KLHL32: variants seen among roughly 807,000 people sequenced by gnomAD.
KLHL32 encodes kelch like family member 32, also known as kelch-like protein 32.
KLHL32 carries 35 observed loss-of-function variants against 64.8 expected under a neutral mutation model. That is an observed-to-expected ratio of 0.54 (90% CI 0.41 to 0.72). KLHL32 has a LOEUF of 0.72. Ranked by LOEUF, KLHL32 falls within the 30% of genes least tolerant of loss-of-function variation. The probability of loss-of-function intolerance (pLI) is 0.00; values close to 1 mark genes in which losing one functional copy is unlikely to be tolerated. For missense variants in KLHL32, 589 were observed against 768.5 expected (o/e 0.77, Z 2.76); for synonymous variants, 259 against 281.0 (o/e 0.92, Z 0.78).
At chr6:97,128,056 G>A (rs1049906665) in intron 8 of KLHL32, among the ~76,000 whole-genome samples, 1 of 151,924 alleles carries the variant, frequency 6.6e-6, no homozygotes, top group Non-Finnish European at 1.5e-5. Flanking sequence ...CTTGGCAATT[G>A]CCTGCTGAAT....
At chr6:96,950,785 C>T (rs1028364109) in intron 1 of KLHL32, among the ~76,000 whole-genome samples, 1 of 152,182 alleles carries the variant, frequency 6.6e-6, no homozygotes, top group Non-Finnish European at 1.5e-5. Context: ...GGGTTGTCCT[C>T]TTTGCCATAG....
intron 6 of KLHL32, among the ~76,000 whole-genome samples, chr6:97,085,807 C>T (rs1419727411): frequency 6.6e-6 from 1 of 152,090 alleles, no homozygotes; most frequent in Non-Finnish European, 1.5e-5. Flanking sequence ...TGAAATGAAG[C>T]TCTTCTTGCA....
At chr6:97,043,607 A>T (rs2128129657) in intron 4 of KLHL32, among the ~76,000 whole-genome samples, 1 of 152,206 alleles carries the variant, frequency 6.6e-6, no homozygotes, top group South Asian at 2.1e-4. Flanking sequence ...TCATATGGTA[A>T]TTTTATTTTT....
intron 3 of KLHL32, among the ~76,000 whole-genome samples, chr6:96,988,081 A>C (rs1777345384): frequency 6.6e-6 from 1 of 152,232 alleles, no homozygotes; most frequent in Admixed American, 6.5e-5. Context: ...AGCAATGGCA[A>C]CAAAAGCCAA....
intron 1 of KLHL32, among the ~76,000 whole-genome samples, chr6:96,935,885 TC>T (rs1770536928): frequency 6.6e-6 from 1 of 152,234 alleles, no homozygotes; most frequent in Non-Finnish European, 1.5e-5. Context: ...CTTCACAGTT[TC>T]TCCTAAGGAG....
intron 7 of KLHL32, among the ~76,000 whole-genome samples, chr6:97,118,468 A>C (rs542986457): frequency 4.6e-5 from 7 of 151,956 alleles, no homozygotes; most frequent in Non-Finnish European, 8.8e-5. Context: ...AAAATACAAA[A>C]ATTAGCTGGG....
At chr6:96,958,500 A>G (rs1773517963) in intron 1 of KLHL32, among the ~76,000 whole-genome samples, 1 of 152,198 alleles carries the variant, frequency 6.6e-6, no homozygotes, top group Admixed American at 6.5e-5. Flanking sequence ...GTTGATGAGT[A>G]TGTCTGTATG....
chr6:97,001,364 A>T (rs954676716), intron 3 of KLHL32, among the ~76,000 whole-genome samples: 1 of 152,222 alleles, frequency 6.6e-6, no homozygotes, highest in Non-Finnish European at 1.5e-5. Context: ...AAATTTTTAA[A>T]TTAAAAAAAT....
chr6:96,946,517 T>C (rs1163782386), intron 1 of KLHL32, among the ~76,000 whole-genome samples: 2 of 152,202 alleles, frequency 1.3e-5, no homozygotes, highest in Admixed American at 1.3e-4. Context: ...TTGTTGATTC[T>C]TAAGTCAAGA....
At chr6:96,958,678 C>T (rs984722669) in intron 1 of KLHL32, among the ~76,000 whole-genome samples, 1 of 148,678 alleles carries the variant, frequency 6.7e-6, no homozygotes, top group East Asian at 1.9e-4. Flanking sequence ...ATCATGTATC[C>T]AGTTATCTTG....
intron 7 of KLHL32, among the ~76,000 whole-genome samples, chr6:97,124,798 T>G (rs1296670510): frequency 6.6e-6 from 1 of 152,186 alleles, no homozygotes; most frequent in African/African-American, 2.4e-5. Flanking sequence ...ATTTTAACCC[T>G]GAAGACTTGT....
At chr6:97,060,445 C>T (rs141372789) in intron 4 of KLHL32, among the ~76,000 whole-genome samples, 3 of 152,160 alleles carry the variant, frequency 2.0e-5, no homozygotes, top group African/African-American at 4.8e-5. Flanking sequence ...CTACTCCCAC[C>T]GCTCAGTCCC....
chr6:97,018,966 G>A (rs1434273561), intron 3 of KLHL32, among the ~76,000 whole-genome samples: 1 of 152,142 alleles, frequency 6.6e-6, no homozygotes, highest in African/African-American at 2.4e-5. Flanking sequence ...GATATGGATA[G>A]TACACATTCT....
At chr6:97,052,249 C>T (rs1447799068) in intron 4 of KLHL32, among the ~76,000 whole-genome samples, 2 of 152,178 alleles carry the variant, frequency 1.3e-5, no homozygotes, top group Admixed American at 1.3e-4. Context: ...ATTGGGACAG[C>T]AGATGCACAT....
intron 3 of KLHL32, chr6:96,994,480 T>C: frequency 2.0e-6 from 2 of 985,016 alleles, no homozygotes; most frequent in Non-Finnish European, 1.2e-6. Flanking sequence ...AAGTAGATTT[T>C]TGTGCTCTGT....
chr6:97,110,186 A>G (rs1250155774), intron 6 of KLHL32, among the ~76,000 whole-genome samples: 1 of 152,224 alleles, frequency 6.6e-6, no homozygotes, highest in East Asian at 1.9e-4. Flanking sequence ...TTTCTTTTGC[A>G]ATATCTTTGA....
In KLHL32 at chr6:97,114,164, A is replaced by AGCC; in HGVS notation, c.1010_1012dup (p.Ser337_His338insArg). On this transcript the variant is annotated inframe_insertion, in exon 7 of 11. Transcript: ENST00000369261. ...GCTGGCTCCCATGCCTGTGGGAAGG[A>AGCC]GCCACCATTGTGTGGCAGTCATGGG... is the stretch of plus-strand genomic sequence containing the variant. 1 of 1,614,160 alleles carries AGCC rather than the reference A, an allele frequency of 6.2e-7. No homozygotes were observed. The highest frequency in any genetic ancestry group is 8.5e-7 in the Non-Finnish European group (1 of 1,180,026).
intron 6 of KLHL32, among the ~76,000 whole-genome samples, chr6:97,086,075 G>T (rs1418362344): frequency 6.6e-6 from 1 of 152,126 alleles, no homozygotes; most frequent in Non-Finnish European, 1.5e-5. Context: ...CCATATTACA[G>T]CCTGTCTATC....
intron 2 of KLHL32, among the ~76,000 whole-genome samples, chr6:96,974,009 AC>A (rs1775425420): frequency 6.6e-6 from 1 of 152,068 alleles, no homozygotes; most frequent in Admixed American, 6.5e-5. Flanking sequence ...GGCATGAGCC[AC>A]CGTACCTGAC....
Sources: gnomAD v4.1 joint callset for allele counts (sites outside exome capture counted in the v4.1 genomes callset) on GRCh38, gnomAD v4.1.1 for gene constraint, MANE v1.5 for transcripts, NCBI Gene and HGNC (gene_info 2026-07-23, HGNC 2026-07-21) for gene names.